MSI2: variants seen among roughly 807,000 people sequenced by gnomAD.
MSI2 encodes RNA-binding protein Musashi homolog 2.
A neutral mutation model predicts 45.6 loss-of-function variants in MSI2; 17 were observed. The observed-to-expected ratio is 0.37, with a 90% CI of 0.26 to 0.56. The LOEUF is 0.56. Ranked by LOEUF, MSI2 falls within the 20% of genes least tolerant of loss-of-function variation. MSI2 has a pLI of 0.77. For synonymous variants in MSI2, 156 were observed against 158.2 expected, an observed-to-expected ratio of 0.99 and a Z score of 0.11; for missense variants, 293 against 444.2, an observed-to-expected ratio of 0.66 and a Z score of 3.06.
intron 10 of MSI2, among the ~76,000 whole-genome samples, chr17:57,650,775 T>C (rs1030879014): frequency 1.3e-5 from 2 of 152,212 alleles, no homozygotes; most frequent in African/African-American, 4.8e-5. Context: ...ACCGTGTAGC[T>C]AGGACAATAG....
chr17:57,309,760 G>A (rs964119716), intron 5 of MSI2, among the ~76,000 whole-genome samples: 1 of 152,112 alleles, frequency 6.6e-6, no homozygotes. Context: ...AGGCAGAGAG[G>A]GCCCTACTTG....
chr17:57,561,349 C>T (rs2087569887), intron 7 of MSI2, among the ~76,000 whole-genome samples: 1 of 152,194 alleles, frequency 6.6e-6, no homozygotes, highest in Admixed American at 6.5e-5. Flanking sequence ...TCCCTGAGGC[C>T]TGTCAGCCCC....
intron 13 of MSI2, among the ~76,000 whole-genome samples, chr17:57,678,251 G>A (rs980724161): frequency 1.3e-5 from 2 of 152,266 alleles, no homozygotes; most frequent in African/African-American, 4.8e-5. Flanking sequence ...CTCAACTAAC[G>A]CAACTGCCTC....
chr17:57,582,225 T>G (rs556914756), intron 7 of MSI2, among the ~76,000 whole-genome samples: 6 of 152,284 alleles, frequency 3.9e-5, no homozygotes, highest in Admixed American at 3.9e-4. Context: ...GAGTCCATGA[T>G]GTACCATCTC....
intron 8 of MSI2, among the ~76,000 whole-genome samples, chr17:57,604,880 C>G (rs1293614032): frequency 6.6e-6 from 1 of 151,480 alleles, no homozygotes; most frequent in Non-Finnish European, 1.5e-5. Flanking sequence ...GCTCACCCCC[C>G]CACTCCTTCC....
intron 5 of MSI2, among the ~76,000 whole-genome samples, chr17:57,356,474 A>C (rs1041201411): frequency 1.3e-5 from 2 of 152,154 alleles, no homozygotes; most frequent in Non-Finnish European, 2.9e-5. Flanking sequence ...AGATGTACAG[A>C]GAAGAAAGAA....
chr17:57,669,525 T>C (rs1364239054), intron 11 of MSI2, among the ~76,000 whole-genome samples: 1 of 152,230 alleles, frequency 6.6e-6, no homozygotes, highest in African/African-American at 2.4e-5. Context: ...CTATGGAGTT[T>C]TAAATCAAGG....
intron 5 of MSI2, chr17:57,267,993 A>G (rs895991885): frequency 6.6e-6 from 1 of 152,182 alleles, no homozygotes; most frequent in Non-Finnish European, 1.5e-5. Context: ...GCCCAGCTTC[A>G]TCATTATCTT....
chr17:57,305,638 A>G (rs952501649), intron 5 of MSI2, among the ~76,000 whole-genome samples: 4 of 152,272 alleles, frequency 2.6e-5, no homozygotes, highest in Admixed American at 6.5e-5. Flanking sequence ...AGTGTGTTAA[A>G]TGGAGCTCTC....
At chr17:57,645,853 G>C (rs754636362) in intron 10 of MSI2, among the ~76,000 whole-genome samples, 1 of 152,184 alleles carries the variant, frequency 6.6e-6, no homozygotes, top group African/African-American at 2.4e-5. Context: ...GAGCAACCAG[G>C]GTTGAGAATC....
intron 5 of MSI2, among the ~76,000 whole-genome samples, chr17:57,321,033 G>C (rs1357952939): frequency 1.3e-5 from 2 of 151,796 alleles, no homozygotes; most frequent in East Asian, 3.9e-4. Context: ...CCTGGAGCTA[G>C]GTGAGAAGGA....
intron 10 of MSI2, among the ~76,000 whole-genome samples, chr17:57,633,941 G>A (rs1057381551): frequency 3.9e-5 from 6 of 152,148 alleles, no homozygotes; most frequent in East Asian, 3.8e-4. Context: ...GGATTCCTAC[G>A]TGAAGCTAGA....
chr17:57,361,195 A>G (rs792376), intron 5 of MSI2, among the ~76,000 whole-genome samples: 128,890 of 152,170 alleles, frequency 0.85, 54,690 homozygotes, highest in Middle Eastern at 0.9. Flanking sequence ...TAACTACTTA[A>G]CCTATCATCA....
chr17:57,531,397 G>A (rs112288325), intron 7 of MSI2, among the ~76,000 whole-genome samples: 8 of 152,298 alleles, frequency 5.3e-5, no homozygotes, highest in Middle Eastern at 3.4e-3. Context: ...CATCACCTCC[G>A]TCCGGTTGGA....
At chr17:57,617,418 A>C (rs1270285269) in intron 9 of MSI2, among the ~76,000 whole-genome samples, 1 of 152,258 alleles carries the variant, frequency 6.6e-6, no homozygotes, top group Non-Finnish European at 1.5e-5. Flanking sequence ...TACAGTAACT[A>C]AAACAGTATG....
At chr17:57,481,360 ATT>A (rs2085644015) in intron 6 of MSI2, among the ~76,000 whole-genome samples, 1 of 152,202 alleles carries the variant, frequency 6.6e-6, no homozygotes, top group East Asian at 1.9e-4. Context: ...CTTTCATTGT[ATT>A]GTCTTCTCCA....
At chr17:57,650,362 G>A (rs1911042285) in intron 10 of MSI2, among the ~76,000 whole-genome samples, 1 of 152,198 alleles carries the variant, frequency 6.6e-6, no homozygotes, top group Admixed American at 6.5e-5. Context: ...AAGCCTGGGT[G>A]TCCTGGGGGT....
At chr17:57,316,395 A>G (rs988011233) in intron 5 of MSI2, among the ~76,000 whole-genome samples, 1 of 150,190 alleles carries the variant, frequency 6.7e-6, no homozygotes, top group African/African-American at 2.5e-5. Context: ...TGGCATGATC[A>G]TGGCTCACTG....
chr17:57,378,970 C>T (rs1294404203), intron 5 of MSI2, among the ~76,000 whole-genome samples: 1 of 152,126 alleles, frequency 6.6e-6, no homozygotes, highest in African/African-American at 2.4e-5. Context: ...TATATGTGAG[C>T]CATCAGCCTG....
Sources: gnomAD v4.1 joint callset for allele counts (sites outside exome capture counted in the v4.1 genomes callset) on GRCh38, gnomAD v4.1.1 for gene constraint, MANE v1.5 for transcripts, NCBI Gene and HGNC (gene_info 2026-07-23, HGNC 2026-07-21) for gene names.